The following C12orf42 variants were observed in gnomAD, a reference collection of about 807,000 sequenced individuals.
The protein encoded by C12orf42 is uncharacterized protein C12orf42.
Under a neutral mutation model 21.6 loss-of-function variants are expected in C12orf42, and 25 were observed. The ratio of observed to expected loss-of-function variants is 1.16; its 90% CI spans 0.84 to 1.62. The LOEUF (loss-of-function observed/expected upper bound fraction) is 1.62. Among genes scored for constraint, C12orf42 ranks in the 40% most tolerant of loss-of-function variants. The pLI is 0.00. For synonymous variants in C12orf42, 174 were observed against 175.0 expected, an observed-to-expected ratio of 0.99 and a Z score of 0.05; for missense variants, 483 against 459.3, an observed-to-expected ratio of 1.05 and a Z score of -0.47.
chr12:103,274,258 A>G (rs1274671585), intron 5 of C12orf42, among the ~76,000 whole-genome samples: 3 of 152,212 alleles, frequency 2.0e-5, no homozygotes, highest in African/African-American at 7.2e-5. Context: ...AAGACAGTTT[A>G]TCTGTGATGC....
the C12orf42 span, among the ~76,000 whole-genome samples, chr12:103,543,102 A>T: frequency 1.1e-4 from 16 of 152,326 alleles, 1 homozygote; most frequent in African/African-American, 3.8e-4. Flanking sequence ...GGTTGAGATG[A>T]CAAAGAACTT....
At chr12:103,548,049 T>C in the C12orf42 span, 2 of 152,316 alleles carry the variant, frequency 1.3e-5, no homozygotes, top group Middle Eastern at 3.4e-3. Flanking sequence ...CTTGAAAATA[T>C]GATGAAAAAA....
the C12orf42 span, among the ~76,000 whole-genome samples, chr12:103,163,838 A>G: frequency 6.6e-6 from 1 of 152,174 alleles, no homozygotes; most frequent in Non-Finnish European, 1.5e-5. Flanking sequence ...TGCCTACTTC[A>G]TAGGGTCATG....
the C12orf42 span, among the ~76,000 whole-genome samples, chr12:103,507,231 AT>A: frequency 2.1e-5 from 1 of 48,234 alleles, no homozygotes; most frequent in African/African-American, 1.9e-4. Context: ...AAATATAAAT[AT>A]ATATATATTA....
At chr12:103,196,941 A>T in the C12orf42 span, among the ~76,000 whole-genome samples, 4 of 152,108 alleles carry the variant, frequency 2.6e-5, no homozygotes, top group Non-Finnish European at 5.9e-5. Flanking sequence ...ATACGTGCAG[A>T]TTTGATCCTG....
At chr12:103,281,964 A>AAAGC (rs71097973) in intron 4 of C12orf42, among the ~76,000 whole-genome samples, 1 of 150,446 alleles carries the variant, frequency 6.6e-6, no homozygotes, top group African/African-American at 2.5e-5. Context: ...AGAAAGAAAG[A>AAAGC]GATCGATCCT....
chr12:103,454,794 G>A (rs1952179906), intron 2 of C12orf42, among the ~76,000 whole-genome samples: 1 of 152,046 alleles, frequency 6.6e-6, no homozygotes, highest in South Asian at 2.1e-4. Flanking sequence ...ATCCAGTTAG[G>A]ATTCATAGCT....
downstream of C12orf42, among the ~76,000 whole-genome samples, chr12:103,232,907 T>G (rs549721065): frequency 6.4e-4 from 97 of 152,336 alleles, no homozygotes; most frequent in African/African-American, 2.2e-3. Context: ...GTTTTTTTAT[T>G]GATACATAAT....
intron 4 of C12orf42, among the ~76,000 whole-genome samples, chr12:103,344,063 A>C (rs2042402552): frequency 6.6e-6 from 1 of 152,246 alleles, no homozygotes. Flanking sequence ...CAACACAGGC[A>C]TGTTACCAAA....
the C12orf42 span, among the ~76,000 whole-genome samples, chr12:103,087,301 T>C: frequency 3.3e-5 from 5 of 152,212 alleles, no homozygotes; most frequent in African/African-American, 9.6e-5. Context: ...AAGTGGTTCA[T>C]GGTTTGCTTT....
chr12:103,465,635 T>C (rs374565131), intron 2 of C12orf42, among the ~76,000 whole-genome samples: 153 of 152,314 alleles, frequency 1.0e-3, no homozygotes, highest in African/African-American at 3.3e-3. Flanking sequence ...TCCAATACTA[T>C]GTTGAACGAG....
chr12:103,429,266 CAA>C (rs1454181780), intron 2 of C12orf42, among the ~76,000 whole-genome samples: 8 of 152,212 alleles, frequency 5.3e-5, no homozygotes, highest in African/African-American at 1.4e-4. Flanking sequence ...GCAACTTCAG[CAA>C]AGTCTCAGGA....
At chr12:103,285,512 C>A (rs1464913961) in intron 4 of C12orf42, among the ~76,000 whole-genome samples, 5 of 152,042 alleles carry the variant, frequency 3.3e-5, no homozygotes, top group Non-Finnish European at 7.4e-5. Context: ...TAAATATACA[C>A]AAGTATAATA....
chr12:103,397,821 A>G (rs1207110732), intron 3 of C12orf42: 1 of 152,200 alleles, frequency 6.6e-6, no homozygotes, highest in Non-Finnish European at 1.5e-5. Context: ...ACATGCATTT[A>G]GATAGAAGGA....
At chr12:103,299,670 A>C (rs1197753372), downstream of C12orf42, among the ~76,000 whole-genome samples, 1 of 152,216 alleles carries the variant, frequency 6.6e-6, no homozygotes, top group Non-Finnish European at 1.5e-5. Flanking sequence ...CCTGTGCTAC[A>C]TATAAAAATA....
At chr12:103,154,774 G>C in the C12orf42 span, among the ~76,000 whole-genome samples, 1 of 152,054 alleles carries the variant, frequency 6.6e-6, no homozygotes. Context: ...GAAACATTAT[G>C]CTCAGAAAAA....
At chr12:103,462,095 G>GTTTTTTTTTTTTTTTT (rs1565867930) in intron 2 of C12orf42, among the ~76,000 whole-genome samples, 5 of 31,494 alleles carry the variant, frequency 1.6e-4, no homozygotes, top group South Asian at 8.8e-4. Flanking sequence ...TTTTTTGCTT[G>GTTTTTTTTTTTTTTTT]GTTTTTTTTT....
At chr12:103,437,172 A>C (rs904602397) in intron 2 of C12orf42, among the ~76,000 whole-genome samples, 3 of 151,840 alleles carry the variant, frequency 2.0e-5, no homozygotes, top group African/African-American at 7.2e-5. Context: ...ACATAATGAA[A>C]TGAAGGCAGA....
rs947424241 is a variant in C12orf42, at chr12:103,343,503, G to T, written c.259+25384C>A. ...GCAAAAAAACACTTTCTGAGGCCGG[G>T]CATGGTGGCTCACGCCTGTAATCCC... is the stretch of plus-strand genomic sequence containing the variant. On this transcript the variant is annotated intron_variant, in intron 4 of 5. Transcript: ENST00000548883. Among the ~76,000 whole-genome samples the T allele has an allele frequency of 1.3e-5, 2 of 152,138 alleles. 1 individual carries two copies. Among genetic ancestry groups the T allele is most frequent in the Admixed American group, 1.3e-4 (2 of 15,280 alleles).
Sources: gnomAD v4.1 joint callset for allele counts (sites outside exome capture counted in the v4.1 genomes callset) on GRCh38, gnomAD v4.1.1 for gene constraint, MANE v1.5 for transcripts, NCBI Gene and HGNC (gene_info 2026-07-23, HGNC 2026-07-21) for gene names.